Variants in ENTREP2 observed in about 807,000 individuals in gnomAD.
The protein encoded by ENTREP2 is protein ENTREP2.
the ENTREP2 span, among the ~76,000 whole-genome samples, chr15:29,346,663 T>C: frequency 6.6e-6 from 1 of 152,232 alleles, no homozygotes; most frequent in African/African-American, 2.4e-5. Context: ...TCTGCTGACA[T>C]CCAAATTCGT....
the ENTREP2 span, among the ~76,000 whole-genome samples, chr15:29,557,323 A>G: frequency 2.6e-5 from 4 of 152,140 alleles, no homozygotes; most frequent in African/African-American, 9.7e-5. Context: ...GGGAGCAGCG[A>G]CGGGGTTTTA....
chr15:29,642,402 C>A, the ENTREP2 span, among the ~76,000 whole-genome samples: 6 of 150,874 alleles, frequency 4.0e-5, no homozygotes, highest in Non-Finnish European at 8.8e-5. Context: ...AGAGAATAAT[C>A]TTTTCAACTG....
chr15:29,198,080 T>C, the ENTREP2 span, among the ~76,000 whole-genome samples: 1 of 152,194 alleles, frequency 6.6e-6, no homozygotes, highest in Admixed American at 6.5e-5. Flanking sequence ...AATGTGCTGA[T>C]ATTCACCAGA....
chr15:29,352,672 A>G, the ENTREP2 span, among the ~76,000 whole-genome samples: 1 of 151,558 alleles, frequency 6.6e-6, no homozygotes, highest in Non-Finnish European at 1.5e-5. Flanking sequence ...TCATCCCCAC[A>G]CCCTGGCTGC....
At chr15:29,328,306 A>T in the ENTREP2 span, among the ~76,000 whole-genome samples, 1 of 152,210 alleles carries the variant, frequency 6.6e-6, no homozygotes, top group Non-Finnish European at 1.5e-5. Context: ...AAGTCCAGAG[A>T]ATTTTTCAGG....
the ENTREP2 span, among the ~76,000 whole-genome samples, chr15:29,662,329 G>A: frequency 2.9e-3 from 436 of 152,126 alleles, no homozygotes; most frequent in African/African-American, 0.01. Context: ...GAGATTCTGG[G>A]AGAAGAAATA....
the ENTREP2 span, among the ~76,000 whole-genome samples, chr15:29,535,805 C>T: frequency 6.6e-5 from 10 of 150,942 alleles, no homozygotes; most frequent in South Asian, 2.1e-4. Context: ...GGTGTGATCT[C>T]GGCTCACCAG....
At chr15:29,511,296 T>G in the ENTREP2 span, among the ~76,000 whole-genome samples, 1 of 152,070 alleles carries the variant, frequency 6.6e-6, no homozygotes, top group Non-Finnish European at 1.5e-5. Context: ...GCAGCCTCCT[T>G]ATATCCAGAG....
At chr15:29,212,455 T>C in the ENTREP2 span, among the ~76,000 whole-genome samples, 1 of 152,190 alleles carries the variant, frequency 6.6e-6, no homozygotes, top group Non-Finnish European at 1.5e-5. Flanking sequence ...ATCTTTTGTA[T>C]TTTTTTGTTT....
At chr15:29,128,346 C>T in the ENTREP2 span, among the ~76,000 whole-genome samples, 1 of 152,144 alleles carries the variant, frequency 6.6e-6, no homozygotes, top group African/African-American at 2.4e-5. Context: ...TCAATGCCCT[C>T]AAGGACATGA....
At chr15:29,423,558 C>T in the ENTREP2 span, among the ~76,000 whole-genome samples, 1 of 151,124 alleles carries the variant, frequency 6.6e-6, no homozygotes, top group Non-Finnish European at 1.5e-5. Context: ...GAGGCCAAGG[C>T]GGGCGGATCA....
chr15:29,203,953 C>T, the ENTREP2 span, among the ~76,000 whole-genome samples: 1 of 152,184 alleles, frequency 6.6e-6, no homozygotes, highest in Admixed American at 6.5e-5. Flanking sequence ...GGGAGATCAG[C>T]TTGTCTGGAA....
chr15:29,624,871 T>TG, the ENTREP2 span, among the ~76,000 whole-genome samples: 12 of 143,624 alleles, frequency 8.4e-5, no homozygotes, highest in Non-Finnish European at 1.5e-4. Flanking sequence ...CTGCATTAAT[T>TG]TGTGTGTGTG....
At chr15:29,543,302 T>C in the ENTREP2 span, among the ~76,000 whole-genome samples, 1 of 152,124 alleles carries the variant, frequency 6.6e-6, no homozygotes, top group Non-Finnish European at 1.5e-5. Flanking sequence ...CACACAAAAC[T>C]CACCACTGCA....
At chr15:29,511,084 T>C in the ENTREP2 span, among the ~76,000 whole-genome samples, 1 of 151,984 alleles carries the variant, frequency 6.6e-6, no homozygotes, top group African/African-American at 2.4e-5. Context: ...GAGAAACAAC[T>C]AATGTAGATG....
the ENTREP2 span, among the ~76,000 whole-genome samples, chr15:29,174,807 G>C: frequency 2.0e-5 from 3 of 151,854 alleles, no homozygotes; most frequent in Admixed American, 6.6e-5. Flanking sequence ...CCCTGCCTAA[G>C]GTATCTATTT....
the ENTREP2 span, among the ~76,000 whole-genome samples, chr15:29,207,896 G>A: frequency 4.1e-4 from 62 of 152,206 alleles, 1 homozygote; most frequent in South Asian, 0.011. Flanking sequence ...GTGGATGGGC[G>A]TGTCACTGAG....
chr15:29,607,748 T>TAA, the ENTREP2 span, among the ~76,000 whole-genome samples: 11 of 152,232 alleles, frequency 7.2e-5, no homozygotes, highest in Admixed American at 6.5e-4. Flanking sequence ...TTTCCTAAAC[T>TAA]TTTAGAACAA....
the ENTREP2 span, among the ~76,000 whole-genome samples, chr15:29,403,913 CT>C: frequency 6.6e-6 from 1 of 152,196 alleles, no homozygotes; most frequent in Non-Finnish European, 1.5e-5. Context: ...GGGAGCTGTG[CT>C]CTGCTCTGCT....
Sources: allele counts gnomAD v4.1 joint callset (sites outside exome capture counted in the v4.1 genomes callset), GRCh38; gene constraint gnomAD v4.1.1; transcripts MANE v1.5; gene names NCBI Gene and HGNC (gene_info 2026-07-23, HGNC 2026-07-21).